Variants in LRRC20 observed in about 807,000 individuals in gnomAD.
LRRC20 encodes leucine rich repeat containing 20, also known as leucine-rich repeat-containing protein 20.
In LRRC20, 11 loss-of-function variants were observed where a neutral mutation model predicts 14.4. The ratio of observed to expected loss-of-function variants is 0.77; its 90% CI spans 0.48 to 1.27. The LOEUF (loss-of-function observed/expected upper bound fraction) is 1.27, where lower values mean the gene tolerates loss of function less well. LRRC20 is among the 50% of genes most tolerant of loss of function. LRRC20 has a pLI of 0.00. For synonymous variants in LRRC20, 121 were observed against 107.3 expected, an observed-to-expected ratio of 1.13 and a Z score of -0.79; for missense variants, 219 against 251.2, an observed-to-expected ratio of 0.87 and a Z score of 0.87.
chr10:70,361,575 A>T (rs1198199686), intron 2 of LRRC20, among the ~76,000 whole-genome samples: 2 of 152,350 alleles, frequency 1.3e-5, no homozygotes, highest in Middle Eastern at 3.4e-3. Context: ...TGTTAAGAGA[A>T]GCAAACAAAT....
At chr10:70,333,929 C>G (rs1425164271) in intron 3 of LRRC20, among the ~76,000 whole-genome samples, 1 of 152,162 alleles carries the variant, frequency 6.6e-6, no homozygotes, top group East Asian at 1.9e-4. Context: ...ATGGGTGGAT[C>G]ATCTGAGGCC....
rs116821305 is a variant in LRRC20, at chr10:70,307,489, G to A, written c.401-5981C>T. The stretch of plus-strand genomic sequence containing the variant: ...AGGCTTTCAAAGAGGCTGCTGACCC[G>A]TCCTGAGAGAAAGAGCTTCCTGGAG... On this transcript the variant is annotated intron_variant, in intron 4 of 4. Transcript: ENST00000446961. 1.5e-3 allele frequency among the ~76,000 whole-genome samples: 233 copies of A among 152,312 alleles called. 2 individuals carry two copies. Among genetic ancestry groups the A allele is most frequent in the African/African-American group, 5.1e-3 (212 of 41,568 alleles).
chr10:70,352,649 T>C (rs902155061), intron 2 of LRRC20, among the ~76,000 whole-genome samples: 1 of 152,192 alleles, frequency 6.6e-6, no homozygotes, highest in Non-Finnish European at 1.5e-5. Context: ...ATGTTGATCA[T>C]GGAGAAGGCA....
intron 2 of LRRC20, among the ~76,000 whole-genome samples, chr10:70,370,878 G>A (rs557759001): frequency 5.3e-5 from 8 of 152,208 alleles, no homozygotes; most frequent in East Asian, 1.9e-4. Context: ...AAAATTAGTC[G>A]GTGTAGTAGC....
At chr10:70,367,556 T>C (rs1844061814) in intron 2 of LRRC20, among the ~76,000 whole-genome samples, 1 of 152,082 alleles carries the variant, frequency 6.6e-6, no homozygotes, top group South Asian at 2.1e-4. Flanking sequence ...CAAACATGGA[T>C]GAATCGCAAA....
At chr10:70,309,774 T>C (rs981164757) in intron 4 of LRRC20, among the ~76,000 whole-genome samples, 2 of 152,252 alleles carry the variant, frequency 1.3e-5, no homozygotes, top group African/African-American at 4.8e-5. Flanking sequence ...GGAAGGCCAG[T>C]GGCCCACACA....
intron 2 of LRRC20, among the ~76,000 whole-genome samples, chr10:70,350,431 C>T (rs890094309): frequency 1.3e-5 from 2 of 152,196 alleles, no homozygotes; most frequent in Admixed American, 6.5e-5. Flanking sequence ...ATTCAAATTG[C>T]TTGGGTCCTT....
In LRRC20 at chr10:70,301,357, A is replaced by G; in HGVS notation, c.552T>C (p.Pro184=). ...MSPEGARAPL[P] is the part of the protein sequence containing the mutation. ...GGGTGGGCATGAGGAGGGTGGCCTA[A>G]GGTAGGGGGGCTCTTGCGCCTTCCG... The change falls in exon 5 of 5, where the codon CCT becomes CCC. Residue 184 remains proline, a synonymous_variant. Coordinates refer to ENST00000446961, the MANE Select transcript of LRRC20 (RefSeq NM_001278212.2). 6.2e-7 allele frequency: 1 copy of G among 1,611,816 alleles called. No individual in the cohort carries two copies. Among genetic ancestry groups the G allele is most frequent in the Non-Finnish European group, 8.5e-7 (1 of 1,179,438 alleles).
intron 1 of LRRC20, among the ~76,000 whole-genome samples, chr10:70,382,068 C>G (rs1312187334): frequency 1.3e-5 from 2 of 152,204 alleles, no homozygotes; most frequent in African/African-American, 4.8e-5. Context: ...TGGTAGTGAT[C>G]GCAGAGGCCC....
chr10:70,317,171 C>T (rs1235612660), intron 4 of LRRC20, among the ~76,000 whole-genome samples: 2 of 152,162 alleles, frequency 1.3e-5, no homozygotes, highest in African/African-American at 4.8e-5. Context: ...CAGAGGGTCC[C>T]TGCCTCCCAC....
intron 3 of LRRC20, among the ~76,000 whole-genome samples, chr10:70,335,216 G>A (rs936585043): frequency 2.0e-5 from 3 of 152,154 alleles, no homozygotes; most frequent in Non-Finnish European, 4.4e-5. Flanking sequence ...AATGAGCCAC[G>A]AGCCCCAGGG....
chr10:70,324,684 T>C (rs989989893), intron 3 of LRRC20, among the ~76,000 whole-genome samples: 1 of 152,044 alleles, frequency 6.6e-6, no homozygotes, highest in African/African-American at 2.4e-5. Context: ...CCAGATATAG[T>C]GTGGGCTGAA....
intron 3 of LRRC20, among the ~76,000 whole-genome samples, chr10:70,335,720 C>G (rs1842707975): frequency 1.3e-5 from 2 of 152,210 alleles, no homozygotes; most frequent in African/African-American, 2.4e-5. Flanking sequence ...CCAGCCAGTC[C>G]CTAACAACAC....
intron 4 of LRRC20, among the ~76,000 whole-genome samples, chr10:70,307,842 C>T (rs1010802627): frequency 5.3e-5 from 8 of 152,212 alleles, no homozygotes; most frequent in Non-Finnish European, 8.8e-5. Context: ...GCAGGGAGGT[C>T]CCAGAAGTCG....
chr10:70,344,146 T>C (rs1486386985), intron 2 of LRRC20, among the ~76,000 whole-genome samples: 1 of 150,842 alleles, frequency 6.6e-6, no homozygotes, highest in Non-Finnish European at 1.5e-5. Flanking sequence ...AAGGCTGCAG[T>C]GAGCCTCTAC....
At chr10:70,311,989 G>A (rs1039548072) in intron 4 of LRRC20, among the ~76,000 whole-genome samples, 6 of 152,302 alleles carry the variant, frequency 3.9e-5, no homozygotes, top group East Asian at 3.9e-4. Flanking sequence ...CAGTGGAACC[G>A]GCTGAGAAGC....
chr10:70,302,628 G>C (rs1841244168), intron 4 of LRRC20, among the ~76,000 whole-genome samples: 1 of 152,042 alleles, frequency 6.6e-6, no homozygotes, highest in Admixed American at 6.5e-5. Context: ...GTCTCAGCTA[G>C]TCAGGAGGCT....
At chr10:70,367,071 C>T (rs528439946) in intron 2 of LRRC20, among the ~76,000 whole-genome samples, 1 of 151,960 alleles carries the variant, frequency 6.6e-6, no homozygotes, top group Admixed American at 6.6e-5. Flanking sequence ...GTGCCCATAA[C>T]CCCAGCACTT....
intron 2 of LRRC20, among the ~76,000 whole-genome samples, chr10:70,346,709 A>T (rs545887497): frequency 6.6e-6 from 1 of 152,346 alleles, no homozygotes; most frequent in Admixed American, 6.5e-5. Flanking sequence ...AAATAACCAG[A>T]ATGCTAACAG....
Sources: gnomAD v4.1 joint callset for allele counts (sites outside exome capture counted in the v4.1 genomes callset) on GRCh38, gnomAD v4.1.1 for gene constraint, MANE v1.5 for transcripts, NCBI Gene and HGNC (gene_info 2026-07-23, HGNC 2026-07-21) for gene names.